Variants in MTERF4 observed in about 807,000 individuals in gnomAD.
MTERF4 encodes mitochondrial transcription termination factor 4.
MTERF4 carries 17 observed loss-of-function variants against 22.5 expected under a neutral mutation model. That is an observed-to-expected ratio of 0.75 (90% CI 0.52 to 1.13). MTERF4 has a LOEUF of 1.13. MTERF4 is among the 50% of genes most tolerant of loss of function. MTERF4 has a pLI of 0.00. For missense variants in MTERF4, 420 were observed against 466.8 expected (o/e 0.90, Z 0.92); for synonymous variants, 165 against 175.3 (o/e 0.94, Z 0.47).
downstream of MTERF4, chr2:241,089,980 C>A (rs1466199500): frequency 4.5e-6 from 7 of 1,548,010 alleles, no homozygotes; most frequent in Non-Finnish European, 6.1e-6. Context: ...AATGGTATAC[C>A]TGGGCAGGGC....
chr2:241,097,037 C>T, intron 3 of MTERF4: 1 of 614,598 alleles, frequency 1.6e-6, no homozygotes, highest in South Asian at 2.1e-5. Flanking sequence ...TGCAGAGAAT[C>T]TAGTCTTTCA....
Position 241,096,754 on chromosome 2 carries a change from G to GA in MTERF4, c.706-317_706-316insT. On this transcript the variant is annotated intron_variant, in intron 3 of 3. Coordinates refer to ENST00000391980, the MANE Select transcript of MTERF4 (RefSeq NM_182501.4). This position sits in a 1 kb window ranked among gnomAD's most constrained non-coding sequence, Gnocchi z 5.1. ...GAAAAGGATGAATATGGAAAGAATA[G>GA]GCAAAACATTCAGAAAACATCTAGA... The GA allele has an allele frequency of 1.8e-6, 1 of 552,670 alleles. No homozygotes were observed. 34.2% of individuals were successfully genotyped at this position (552,670 alleles called of 1,614,324 possible).
chr2:241,074,610 G>C (rs536982925), exon 5 of MTERF4: 47 of 152,286 alleles, frequency 3.1e-4, no homozygotes, highest in African/African-American at 1.0e-3. Flanking sequence ...AGGTCACCAC[G>C]GTCATGTGGT....
chr2:241,090,297 T>C, downstream of MTERF4: 1 of 1,549,074 alleles, frequency 6.5e-7, no homozygotes, highest in Non-Finnish European at 8.7e-7. Flanking sequence ...GGATCATCCA[T>C]GTCACCTTCT....
At chr2:241,083,892 C>A (rs2063449555), downstream of MTERF4, among the ~76,000 whole-genome samples, 2 of 149,530 alleles carry the variant, frequency 1.3e-5, no homozygotes, top group South Asian at 4.2e-4. Flanking sequence ...TGGATTTAAA[C>A]TGCCATATTA....
chr2:241,072,169 G>A, exon 5 of MTERF4: 1 of 654,228 alleles, frequency 1.5e-6, no homozygotes, highest in Non-Finnish European at 2.8e-6. Context: ...AAGCAGGTCT[G>A]AGACATTACA....
At chr2:241,071,136 G>A (rs897338273), downstream of MTERF4, among the ~76,000 whole-genome samples, 1 of 152,188 alleles carries the variant, frequency 6.6e-6, no homozygotes, top group Non-Finnish European at 1.5e-5. Flanking sequence ...TAGGGTGACA[G>A]ATGCACCCTC....
the MTERF4 span, chr2:241,048,181 T>C: frequency 1.8e-6 from 2 of 1,082,724 alleles, no homozygotes; most frequent in East Asian, 5.3e-5. Flanking sequence ...TTTCCAGAAA[T>C]AAGCTTCTGG....
At chr2:241,049,388 A>C in the MTERF4 span, among the ~76,000 whole-genome samples, 77 of 152,358 alleles carry the variant, frequency 5.1e-4, no homozygotes, top group African/African-American at 1.7e-3. Flanking sequence ...TATCTTACCT[A>C]AGCCCCAACA....
At chr2:241,045,696 T>G in the MTERF4 span, among the ~76,000 whole-genome samples, 2 of 149,214 alleles carry the variant, frequency 1.3e-5, no homozygotes, top group African/African-American at 2.5e-5. Flanking sequence ...TATAAGATTT[T>G]TAGAAGAAAA....
downstream of MTERF4, chr2:241,070,111 G>A (rs1262160152): frequency 2.5e-6 from 4 of 1,612,712 alleles, no homozygotes; most frequent in African/African-American, 5.3e-5. Flanking sequence ...CCTGCTGCCG[G>A]GACGGCGGTA....
chr2:241,086,409 ATC>A (rs1220559506), downstream of MTERF4, among the ~76,000 whole-genome samples: 1 of 151,694 alleles, frequency 6.6e-6, no homozygotes, highest in East Asian at 1.9e-4. Flanking sequence ...CCCAACTTCA[ATC>A]TCTGTTTCCT....
downstream of MTERF4, chr2:241,070,289 TGG>T: frequency 3.0e-6 from 4 of 1,352,682 alleles, no homozygotes; most frequent in Non-Finnish European, 4.0e-6. Context: ...TGCAGGGGCC[TGG>T]GATGCCAGGC....
intron 4 of MTERF4, among the ~76,000 whole-genome samples, chr2:241,081,082 G>A (rs746640930): frequency 3.3e-5 from 5 of 152,234 alleles, no homozygotes; most frequent in Admixed American, 6.5e-5. Context: ...CGTGTCACTC[G>A]AGTGGGACTT....
chr2:241,060,553 T>A, the MTERF4 span, among the ~76,000 whole-genome samples: 1 of 152,194 alleles, frequency 6.6e-6, no homozygotes, highest in African/African-American at 2.4e-5. Flanking sequence ...TGGAATACAA[T>A]GGTTTTGTAC....
exon 5 of MTERF4, chr2:241,072,308 T>G: frequency 2.3e-6 from 1 of 431,646 alleles, no homozygotes; most frequent in Non-Finnish European, 4.6e-6. Context: ...TGGCAAGATC[T>G]TCCCGGTGGC....
the MTERF4 span, chr2:241,049,843 C>T: frequency 1.2e-6 from 2 of 1,613,728 alleles, no homozygotes; most frequent in Non-Finnish European, 1.7e-6. Flanking sequence ...CGACTCGGAC[C>T]CCTGCTTCAA....
At chr2:241,047,582 G>T in the MTERF4 span, among the ~76,000 whole-genome samples, 1 of 149,148 alleles carries the variant, frequency 6.7e-6, no homozygotes, top group South Asian at 2.1e-4. Flanking sequence ...ACATTGAAAA[G>T]GATTGTGTTT....
downstream of MTERF4, chr2:241,094,101 G>A: frequency 5.7e-6 from 2 of 350,886 alleles, no homozygotes; most frequent in Non-Finnish European, 1.1e-5. This position sits in a 1 kb window ranked among gnomAD's most constrained non-coding sequence, Gnocchi z 4.3. Context: ...CTGGCACAGT[G>A]AAATGTCTCA....
Sources: gnomAD v4.1 joint callset for allele counts (sites outside exome capture counted in the v4.1 genomes callset) on GRCh38, gnomAD v4.1.1 for gene constraint, Gnocchi (gnomAD v3.1) non-coding constraint, MANE v1.5 for transcripts, NCBI Gene and HGNC (gene_info 2026-07-23, HGNC 2026-07-21) for gene names.